MGAT4C: variants seen among roughly 807,000 people sequenced by gnomAD.
The protein encoded by MGAT4C is alpha-1,3-mannosyl-glycoprotein 4-beta-N-acetylglucosaminyltransferase C.
Under a neutral mutation model 40.1 loss-of-function variants are expected in MGAT4C, and 19 were observed. The observed-to-expected ratio is 0.47, with a 90% CI of 0.33 to 0.70. The LOEUF is 0.70. Among genes scored for constraint, MGAT4C ranks in the 30% least tolerant of loss-of-function variants. The probability of loss-of-function intolerance (pLI) is 0.02; values close to 1 mark genes in which losing one functional copy is unlikely to be tolerated. For synonymous variants in MGAT4C, 181 were observed against 187.1 expected (o/e 0.97, Z 0.27); for missense variants, 491 against 563.2 (o/e 0.87, Z 1.30).
At chr12:86,665,865 C>T (rs760820083) in intron 2 of MGAT4C, among the ~76,000 whole-genome samples, 7 of 152,084 alleles carry the variant, frequency 4.6e-5, no homozygotes, top group Non-Finnish European at 1.0e-4. Flanking sequence ...AAAGTTGAGA[C>T]TATTTTTGCT....
chr12:86,194,908 G>C (rs1459531598), intron 1 of MGAT4C, among the ~76,000 whole-genome samples: 10 of 152,138 alleles, frequency 6.6e-5, no homozygotes. Context: ...GGCAGGTCTT[G>C]AACTAAATGT....
chr12:86,415,563 T>A (rs375371041), intron 3 of MGAT4C, among the ~76,000 whole-genome samples: 1 of 152,008 alleles, frequency 6.6e-6, no homozygotes, highest in South Asian at 2.1e-4. Flanking sequence ...GATTTATTTT[T>A]TCCTATGCAC....
At chr12:86,475,433 C>T (rs1016519805) in intron 2 of MGAT4C, among the ~76,000 whole-genome samples, 7 of 151,690 alleles carry the variant, frequency 4.6e-5, no homozygotes, top group Non-Finnish European at 8.8e-5. Context: ...TGCATAAAGT[C>T]ATTATAAAAT....
intron 1 of MGAT4C, among the ~76,000 whole-genome samples, chr12:86,088,246 G>A (rs1171304255): frequency 6.6e-6 from 1 of 151,970 alleles, no homozygotes; most frequent in Non-Finnish European, 1.5e-5. Flanking sequence ...AGACTTAAAT[G>A]TAAAACCTAA....
intron 1 of MGAT4C, among the ~76,000 whole-genome samples, chr12:86,212,410 G>C (rs1950506933): frequency 6.6e-6 from 1 of 152,000 alleles, no homozygotes; most frequent in Non-Finnish European, 1.5e-5. Flanking sequence ...GAAAATATAG[G>C]AATGTCACAA....
At chr12:86,678,550 G>T (rs927125838) in intron 2 of MGAT4C, among the ~76,000 whole-genome samples, 1 of 150,636 alleles carries the variant, frequency 6.6e-6, no homozygotes, top group African/African-American at 2.4e-5. Context: ...TTTAGCATTA[G>T]GTATATCTCC....
intron 2 of MGAT4C, among the ~76,000 whole-genome samples, chr12:86,542,055 TGGTTCTCAACC>T (rs1959170863): frequency 6.6e-6 from 1 of 152,212 alleles, no homozygotes; most frequent in African/African-American, 2.4e-5. Context: ...ACTAGAACAG[TGGTTCTCAACC>T]TGTGGACTCC....
At chr12:86,669,027 TG>T (rs1964185286) in intron 2 of MGAT4C, among the ~76,000 whole-genome samples, 1 of 152,132 alleles carries the variant, frequency 6.6e-6, no homozygotes, top group Non-Finnish European at 1.5e-5. Flanking sequence ...TCCAGGTATT[TG>T]GAGCACTTGC....
intron 2 of MGAT4C, among the ~76,000 whole-genome samples, chr12:86,630,843 CAA>C: frequency 6.6e-6 from 1 of 152,142 alleles, no homozygotes; most frequent in East Asian, 1.9e-4. Context: ...AAAACTGGCA[CAA>C]GACAGGGATG....
chr12:86,402,889 A>G (rs1432990474), intron 3 of MGAT4C, among the ~76,000 whole-genome samples: 1 of 152,156 alleles, frequency 6.6e-6, no homozygotes, highest in East Asian at 1.9e-4. Context: ...TGGAATTATT[A>G]TTTATTGAGC....
intron 3 of MGAT4C, among the ~76,000 whole-genome samples, chr12:86,405,918 TATTTATATTATACATAC>T (rs1956457172): frequency 3.6e-5 from 1 of 27,646 alleles, no homozygotes; most frequent in Non-Finnish European, 5.6e-5. Flanking sequence ...AATATGTATG[TATTTATATTATACATAC>T]ATTTATAAAT....
chr12:86,080,370 T>C (rs749496932), intron 1 of MGAT4C, among the ~76,000 whole-genome samples: 2 of 152,218 alleles, frequency 1.3e-5, no homozygotes, highest in African/African-American at 4.8e-5. Flanking sequence ...ACTTTTTTAA[T>C]GTTTTCTTTA....
At position 86,657,968 on chromosome 12, in the gene MGAT4C, C is replaced by T. The variant is rs1415833618; in HGVS notation, c.-229+69241G>A. 2.0e-5 allele frequency among the ~76,000 whole-genome samples: 3 copies of T among 151,836 alleles called. No homozygotes were observed. The East Asian group carries it at 5.8e-4, about 29-fold the overall frequency. On this transcript the variant is annotated intron_variant, in intron 2 of 7. Transcript: ENST00000548651. ...TTTAAATATTCTATAAAGAACATAG[C>T]CTACTTTAATAATCATGAAGAAAGC...
chr12:86,413,472 A>C (rs1956645928), intron 3 of MGAT4C, among the ~76,000 whole-genome samples: 1 of 152,180 alleles, frequency 6.6e-6, no homozygotes, highest in South Asian at 2.1e-4. Context: ...ATTGATACTC[A>C]TGTTACTAAA....
intron 1 of MGAT4C, among the ~76,000 whole-genome samples, chr12:86,200,764 T>A (rs775255338): frequency 9.2e-5 from 14 of 152,192 alleles, no homozygotes; most frequent in Non-Finnish European, 1.9e-4. Context: ...TGTTGAGACC[T>A]AAAATCCCCA....
At chr12:86,368,617 G>A (rs536974255) in intron 3 of MGAT4C, among the ~76,000 whole-genome samples, 1 of 151,494 alleles carries the variant, frequency 6.6e-6, no homozygotes, top group East Asian at 1.9e-4. Context: ...ACATTTTCCA[G>A]TTTCCATTAT....
chr12:86,683,556 GA>G (rs1183742119), intron 2 of MGAT4C, among the ~76,000 whole-genome samples: 11 of 151,312 alleles, frequency 7.3e-5, no homozygotes, highest in African/African-American at 2.2e-4. Flanking sequence ...AATGAGGCTG[GA>G]AAAAAACTCA....
Position 86,491,509 on chromosome 12 carries a change from G to A in MGAT4C, c.-228-56244C>T, listed in dbSNP as rs897543772. ...GTTCAATATACGCAAATCAATAAAC[G>A]TAATCCAGCATATAAACAGAACCAA... On this transcript the variant is annotated intron_variant, in intron 2 of 7. Transcript: ENST00000548651. Among the ~76,000 whole-genome samples, 232 of 151,934 alleles carry A rather than the reference G, an allele frequency of 1.5e-3. 1 individual carries two copies. Among genetic ancestry groups the A allele is most frequent in the Non-Finnish European group, 9.6e-4 (65 of 67,960 alleles).
chr12:86,740,877 G>C (rs1951058562), intron 1 of MGAT4C, among the ~76,000 whole-genome samples: 1 of 151,164 alleles, frequency 6.6e-6, no homozygotes, highest in Non-Finnish European at 1.5e-5. Flanking sequence ...TATATACAGA[G>C]AGTACATTTG....
Sources: gnomAD v4.1 joint callset for allele counts (sites outside exome capture counted in the v4.1 genomes callset) on GRCh38, gnomAD v4.1.1 for gene constraint, MANE v1.5 for transcripts, NCBI Gene and HGNC (gene_info 2026-07-23, HGNC 2026-07-21) for gene names.